Variants in DAB1 observed in about 807,000 individuals in gnomAD.
DAB1 encodes the protein DAB adaptor protein 1.
In DAB1, 15 loss-of-function variants were observed where a neutral mutation model predicts 64.6. The observed-to-expected ratio is 0.23, with a 90% CI of 0.16 to 0.36. The LOEUF (loss-of-function observed/expected upper bound fraction) is 0.36, where lower values mean the gene tolerates loss of function less well. DAB1 is among the 10% of genes least tolerant of loss of function. DAB1 has a pLI of 1.00. For synonymous variants in DAB1, 235 were observed against 251.9 expected, an observed-to-expected ratio of 0.93 and a Z score of 0.64; for missense variants, 596 against 706.7, an observed-to-expected ratio of 0.84 and a Z score of 1.78.
chr1:57,193,381 G>GTTTTGTT (rs1664319301), intron 2 of DAB1, among the ~76,000 whole-genome samples: 1 of 83,060 alleles, frequency 1.2e-5, no homozygotes, highest in Non-Finnish European at 2.2e-5. Flanking sequence ...CGTAGCATAT[G>GTTTTGTT]TTTTTTTTTT....
intron 4 of DAB1, among the ~76,000 whole-genome samples, chr1:58,181,427 C>T (rs1419707818): frequency 6.6e-6 from 1 of 152,016 alleles, no homozygotes; most frequent in African/African-American, 2.4e-5. Context: ...GCAGTTAATT[C>T]ATTTACATCT....
chr1:58,051,213 G>A (rs186212514), intron 5 of DAB1, among the ~76,000 whole-genome samples: 43 of 110,082 alleles, frequency 3.9e-4, no homozygotes, highest in Admixed American at 1.1e-3. Flanking sequence ...CCCAGCCCCC[G>A]ATGGGCCCCA....
At chr1:58,523,759 C>T (rs1018418217) in intron 2 of DAB1, among the ~76,000 whole-genome samples, 4 of 151,754 alleles carry the variant, frequency 2.6e-5, no homozygotes, top group Non-Finnish European at 2.9e-5. Flanking sequence ...ATTAGCCGGG[C>T]ATGGTGGTGG....
intron 6 of DAB1, among the ~76,000 whole-genome samples, chr1:57,654,135 C>A (rs1374338518): frequency 6.6e-6 from 1 of 152,074 alleles, no homozygotes; most frequent in African/African-American, 2.4e-5. Flanking sequence ...TTTAGGTTTT[C>A]CCTTCAGTGA....
chr1:57,627,883 A>G (rs1241170367), intron 7 of DAB1, among the ~76,000 whole-genome samples: 1 of 152,030 alleles, frequency 6.6e-6, no homozygotes, highest in Non-Finnish European at 1.5e-5. Flanking sequence ...CTCAGTGCCT[A>G]GTCCTTCCAA....
chr1:58,389,905 T>C (rs1644462360), intron 3 of DAB1, among the ~76,000 whole-genome samples: 1 of 151,910 alleles, frequency 6.6e-6, no homozygotes, highest in Admixed American at 6.6e-5. Flanking sequence ...GCAGAGCTGA[T>C]CACTAAGCTC....
At chr1:57,653,896 C>A (rs1199112586) in intron 6 of DAB1, among the ~76,000 whole-genome samples, 1 of 152,202 alleles carries the variant, frequency 6.6e-6, no homozygotes, top group African/African-American at 2.4e-5. Flanking sequence ...CAGGCCTGAG[C>A]CACTGTGCCC....
At chr1:57,136,026 T>C (rs1395736347) in intron 4 of DAB1, among the ~76,000 whole-genome samples, 1 of 152,146 alleles carries the variant, frequency 6.6e-6, no homozygotes, top group African/African-American at 2.4e-5. Flanking sequence ...ACCACTTCTT[T>C]GGTGGGTTCA....
At chr1:58,503,903 C>T (rs922580362) in intron 3 of DAB1, among the ~76,000 whole-genome samples, 2 of 152,178 alleles carry the variant, frequency 1.3e-5, no homozygotes, top group Non-Finnish European at 2.9e-5. Flanking sequence ...ACAAAAGGCA[C>T]GAAGTATGCC....
chr1:58,477,062 C>G (rs1645426076), intron 3 of DAB1, among the ~76,000 whole-genome samples: 1 of 152,212 alleles, frequency 6.6e-6, no homozygotes, highest in Non-Finnish European at 1.5e-5. Flanking sequence ...GATTACAAAT[C>G]AGTGAATTCT....
intron 3 of DAB1, among the ~76,000 whole-genome samples, chr1:58,390,710 T>C (rs1434970120): frequency 6.6e-6 from 1 of 152,194 alleles, no homozygotes; most frequent in South Asian, 2.1e-4. Context: ...GGCCCTGTAC[T>C]AGGCATTTTT....
intron 5 of DAB1, among the ~76,000 whole-genome samples, chr1:57,960,192 G>A (rs979838783): frequency 1.3e-5 from 2 of 152,186 alleles, no homozygotes; most frequent in Non-Finnish European, 2.9e-5. Flanking sequence ...GACTGGAAAG[G>A]CAGTGGCCAC....
chr1:57,625,409 C>G (rs1480823793), intron 7 of DAB1, among the ~76,000 whole-genome samples: 1 of 152,136 alleles, frequency 6.6e-6, no homozygotes, highest in African/African-American at 2.4e-5. Flanking sequence ...GGGCTAGGCA[C>G]TAGCAGAGGA....
intron 6 of DAB1, among the ~76,000 whole-genome samples, chr1:57,663,393 G>A (rs1418223365): frequency 6.6e-6 from 1 of 152,114 alleles, no homozygotes; most frequent in Non-Finnish European, 1.5e-5. Context: ...GTACATAGAA[G>A]CTTAGAAGGA....
rs568507434 is a variant in DAB1, at chr1:57,753,412, T to C, written n.552-103747A>G. Reference sequence around the variant, plus strand: ...AGGAAGAAATGTATAGAAAAACAAGTGCATGGGCCTCGGAACCAGGAGGAA... The same window carrying C: ...AGGAAGAAATGTATAGAAAAACAAGCGCATGGGCCTCGGAACCAGGAGGAA... On this transcript the variant is annotated intron_variant and non_coding_transcript_variant, in intron 6 of 20. Transcript: ENST00000485760. Among the ~76,000 whole-genome samples, 149 of 152,250 alleles carry C rather than the reference T, an allele frequency of 9.8e-4. 3 individuals carry two copies. The South Asian group carries it at 0.012, about 12-fold the overall frequency.
chr1:57,980,023 A>T (rs1238345561), intron 5 of DAB1, among the ~76,000 whole-genome samples: 1 of 152,072 alleles, frequency 6.6e-6, no homozygotes, highest in East Asian at 1.9e-4. Flanking sequence ...TGGTCTCTAG[A>T]TTTCTATTTA....
intron 5 of DAB1, among the ~76,000 whole-genome samples, chr1:57,957,262 T>A (rs990178057): frequency 6.6e-6 from 1 of 152,196 alleles, no homozygotes; most frequent in Admixed American, 6.5e-5. Flanking sequence ...ACATCCTCAG[T>A]ATTTTTGTAA....
chr1:58,420,173 T>C (rs1230099134), intron 3 of DAB1, among the ~76,000 whole-genome samples: 1 of 152,236 alleles, frequency 6.6e-6, no homozygotes, highest in African/African-American at 2.4e-5. Flanking sequence ...AATTTTGTTG[T>C]TGTTGTTGTT....
At chr1:57,831,993 GC>G (rs1652610300) in intron 1 of DAB1, among the ~76,000 whole-genome samples, 1 of 152,150 alleles carries the variant, frequency 6.6e-6, no homozygotes, top group Non-Finnish European at 1.5e-5. Context: ...GAAGACACAT[GC>G]TAAACAATAG....
Sources: allele counts gnomAD v4.1 joint callset (sites outside exome capture counted in the v4.1 genomes callset), GRCh38; gene constraint gnomAD v4.1.1; transcripts MANE v1.5; gene names NCBI Gene and HGNC (gene_info 2026-07-23, HGNC 2026-07-21).